INSC: variants seen among roughly 807,000 people sequenced by gnomAD.
INSC encodes INSC spindle orientation adaptor protein.
A neutral mutation model predicts 58.6 loss-of-function variants in INSC; 67 were observed. The observed-to-expected ratio is 1.14, with a 90% CI of 0.94 to 1.40. The LOEUF is 1.40. Ranked by LOEUF, INSC falls within the 40% of genes most tolerant of loss-of-function variation. INSC has a pLI of 0.00. For missense variants in INSC, 714 were observed against 692.0 expected, an observed-to-expected ratio of 1.03 and a Z score of -0.36; for synonymous variants, 262 against 276.1, an observed-to-expected ratio of 0.95 and a Z score of 0.51.
Position 15,137,854 on chromosome 11 carries a change from A to G in INSC, c.-45-11276A>G, listed in dbSNP as rs116724965. Reference sequence around the variant, plus strand: ...TTTCCTTTAAAAATTTTTCCTTTGCATTAACAACTTGCCTAACCGTTTGGC... The same window carrying G: ...TTTCCTTTAAAAATTTTTCCTTTGCGTTAACAACTTGCCTAACCGTTTGGC... On this transcript the variant is annotated intron_variant, in intron 1 of 12. Transcript: ENST00000379556. Among the ~76,000 whole-genome samples, 1,177 of 152,214 alleles carry G rather than the reference A, an allele frequency of 7.7e-3. 14 individuals carry two copies. The highest frequency in any genetic ancestry group is 0.027 in the African/African-American group (1,125 of 41,526).
At chr11:15,148,086 C>G (rs1848539715) in intron 1 of INSC, among the ~76,000 whole-genome samples, 1 of 152,182 alleles carries the variant, frequency 6.6e-6, no homozygotes, top group African/African-American at 2.4e-5. Flanking sequence ...GAGAAAAATA[C>G]AAACAGGTGG....
chr11:15,178,196 TG>T lies in INSC; in HGVS notation c.456-127del, dbSNP rs1321994754. On this transcript the variant is annotated intron_variant, in intron 4 of 12. Coordinates refer to ENST00000379556, the MANE Select transcript of INSC (RefSeq NM_001042536.3). ...AGCCAGCTGTGGAATATTCCATCTC[TG>T]ACTCCCAGTTGCCAATGTCTTCAGC... 58 of 1,256,344 alleles carry T rather than the reference TG, an allele frequency of 4.6e-5. 1 individual carries two copies. Among genetic ancestry groups the T allele is most frequent in the Non-Finnish European group, 6.3e-5 (57 of 905,294 alleles). The allele number at this position is 1,256,344 out of a possible 1,614,324, so 77.8% of individuals were successfully genotyped here.
At chr11:15,263,144 G>A in the INSC span, among the ~76,000 whole-genome samples, 1 of 152,118 alleles carries the variant, frequency 6.6e-6, no homozygotes, top group African/African-American at 2.4e-5. Context: ...CTGATGAACT[G>A]GAAGATATAT....
chr11:15,115,403 C>T (rs1438597532), intron 1 of INSC, among the ~76,000 whole-genome samples: 1 of 152,140 alleles, frequency 6.6e-6, no homozygotes, highest in Non-Finnish European at 1.5e-5. Context: ...CAGTGTGAAC[C>T]CAGGAAGGCA....
chr11:15,266,104 C>T, the INSC span, among the ~76,000 whole-genome samples: 2 of 151,800 alleles, frequency 1.3e-5, no homozygotes, highest in African/African-American at 4.8e-5. Context: ...GGATTGAAAT[C>T]TCAAAATGCT....
chr11:15,254,101 C>G, the INSC span, among the ~76,000 whole-genome samples: 2 of 152,184 alleles, frequency 1.3e-5, no homozygotes, highest in Non-Finnish European at 2.9e-5. Flanking sequence ...TCATTTTCAC[C>G]TTTGTGAGTT....
intron 2 of INSC, among the ~76,000 whole-genome samples, chr11:15,169,052 T>G (rs1849300102): frequency 6.6e-6 from 1 of 152,176 alleles, no homozygotes; most frequent in Non-Finnish European, 1.5e-5. Flanking sequence ...TGTTTGCTTG[T>G]GTCTGGATAC....
chr11:15,180,135 G>T (rs1752857461), intron 5 of INSC, among the ~76,000 whole-genome samples: 1 of 152,092 alleles, frequency 6.6e-6, no homozygotes. Context: ...GCGAGCACCT[G>T]TAGTCCCAGC....
chr11:15,221,714 G>C, intron 8 of INSC, 66 bp downstream of exon 8: 3 of 1,449,732 alleles, frequency 2.1e-6, no homozygotes, highest in Non-Finnish European at 2.8e-6. Flanking sequence ...TTCAGAAATA[G>C]CCAGGAAGGC....
intron 6 of INSC, among the ~76,000 whole-genome samples, chr11:15,196,638 C>T (rs149025858): frequency 4.6e-5 from 7 of 152,264 alleles, no homozygotes; most frequent in Non-Finnish European, 1.0e-4. Context: ...AGAATATGAG[C>T]TTTCTGAAGT....
chr11:15,180,150 C>T (rs1849713954), intron 5 of INSC, among the ~76,000 whole-genome samples: 1 of 152,032 alleles, frequency 6.6e-6, no homozygotes, highest in South Asian at 2.1e-4. Context: ...CCCAGCTACT[C>T]AGGAGGCTGA....
chr11:15,201,313 C>T (rs977756109), intron 7 of INSC, among the ~76,000 whole-genome samples: 21 of 152,182 alleles, frequency 1.4e-4, no homozygotes, highest in Admixed American at 5.2e-4. Flanking sequence ...CTCCTAAAGA[C>T]GGAAGAGGAT....
Position 15,177,176 on chromosome 11 carries a change from C to A in INSC, c.455+13C>A, listed in dbSNP as rs1849600801. 16 of 1,612,154 alleles carry A rather than the reference C, an allele frequency of 9.9e-6. No homozygotes were observed. Among genetic ancestry groups the A allele is most frequent in the Non-Finnish European group, 1.4e-5 (16 of 1,178,340 alleles). On this transcript the variant is annotated intron_variant, in intron 4 of 12. Coordinates refer to ENST00000379556, the MANE Select transcript of INSC (RefSeq NM_001042536.3). ...CAGTCACAGAGAGGTAAATTTGGAC[C>A]ATAGATCTCCCAGGGTCTGCCCACC...
chr11:15,191,606 T>G (rs116361121), intron 6 of INSC, among the ~76,000 whole-genome samples: 2,469 of 152,302 alleles, frequency 0.016, 80 homozygotes, highest in African/African-American at 0.057. Context: ...TTATTTTTTT[T>G]CATATAGACT....
At chr11:15,116,785 CCTTT>C (rs1168951542) in intron 1 of INSC, among the ~76,000 whole-genome samples, 5 of 138,174 alleles carry the variant, frequency 3.6e-5, no homozygotes, top group Non-Finnish European at 6.3e-5. Flanking sequence ...TTTCTTCCTT[CCTTT>C]CTTTTCTTTT....
At chr11:15,229,396 A>T (rs1021220057) in intron 9 of INSC, among the ~76,000 whole-genome samples, 4 of 152,138 alleles carry the variant, frequency 2.6e-5, no homozygotes, top group Non-Finnish European at 5.9e-5. Flanking sequence ...TAGTTTATAA[A>T]GCTCTGTCAT....
chr11:15,133,096 T>G (rs754647824), intron 1 of INSC, among the ~76,000 whole-genome samples: 22 of 152,306 alleles, frequency 1.4e-4, no homozygotes, highest in Admixed American at 1.0e-3. Context: ...ATATCACCAT[T>G]TCCCCCATTC....
upstream of INSC, among the ~76,000 whole-genome samples, chr11:15,111,918 C>A (rs1328858993): frequency 6.6e-6 from 1 of 152,112 alleles, no homozygotes; most frequent in African/African-American, 2.4e-5. Flanking sequence ...AGGGATAATA[C>A]CAGAACCTAG....
intron 1 of INSC, among the ~76,000 whole-genome samples, chr11:15,148,062 G>C (rs1848538734): frequency 6.6e-6 from 1 of 152,200 alleles, no homozygotes; most frequent in African/African-American, 2.4e-5. Context: ...GAGCACAGCA[G>C]GGACAAGGCG....
Sources: gnomAD v4.1 joint callset for allele counts (sites outside exome capture counted in the v4.1 genomes callset) on GRCh38, gnomAD v4.1.1 for gene constraint, MANE v1.5 for transcripts, NCBI Gene and HGNC (gene_info 2026-07-23, HGNC 2026-07-21) for gene names.